Variants in PAM observed in about 807,000 individuals in gnomAD.
PAM encodes peptidyl-glycine alpha-amidating monooxygenase.
PAM carries 72 observed loss-of-function variants against 122.1 expected under a neutral mutation model. The observed-to-expected ratio is 0.59, with a 90% CI of 0.49 to 0.72. The LOEUF (loss-of-function observed/expected upper bound fraction) is 0.72, where lower values mean the gene tolerates loss of function less well. Among genes scored for constraint, PAM ranks in the 30% least tolerant of loss-of-function variants. The pLI, the probability that PAM is intolerant of heterozygous loss-of-function variation, is 0.00. For synonymous variants in PAM, 389 were observed against 404.4 expected (o/e 0.96, Z 0.46); for missense variants, 1,106 against 1,183.7 (o/e 0.93, Z 0.96).
chr5:102,841,406 TACACACACACAC>T (rs35825092), intron 1 of PAM, among the ~76,000 whole-genome samples: 1,501 of 138,532 alleles, frequency 0.011, 15 homozygotes, highest in South Asian at 0.022. Flanking sequence ...CACCTACAAA[TACACACACACAC>T]ACACACACAC....
intron 1 of PAM, among the ~76,000 whole-genome samples, chr5:102,827,591 G>A (rs1384889165): frequency 2.6e-5 from 4 of 151,610 alleles, no homozygotes; most frequent in African/African-American, 7.3e-5. Context: ...GTTTTCATGA[G>A]GCGTGATTTT....
chr5:102,940,127 C>G (rs1356452310), intron 7 of PAM, among the ~76,000 whole-genome samples: 2 of 149,556 alleles, frequency 1.3e-5, no homozygotes, highest in African/African-American at 5.0e-5. Flanking sequence ...CACACACACA[C>G]ACACACACAC....
Position 102,819,737 on chromosome 5 carries a change from C to T in PAM, c.-373-46086C>T, listed in dbSNP as rs1047399422. 5.4e-4 allele frequency among the ~76,000 whole-genome samples: 82 copies of T among 152,178 alleles called. 1 individual carries two copies. Among genetic ancestry groups the T allele is most frequent in the African/African-American group, 1.7e-3 (71 of 41,520 alleles). ...ATATAGGGATTTCTCCTTTCATTTA[C>T]GAAAGAAAGTACATGGTATGTCTCG... On this transcript the variant is annotated intron_variant, in intron 1 of 25. Coordinates refer to ENST00000438793, the MANE Select transcript of PAM (RefSeq NM_001177306.2).
intron 12 of PAM, among the ~76,000 whole-genome samples, chr5:102,951,195 A>G (rs1758769015): frequency 6.6e-6 from 1 of 152,082 alleles, no homozygotes; most frequent in Admixed American, 6.6e-5. Flanking sequence ...GGTGATTCCT[A>G]TTAAATACTC....
At chr5:102,922,031 A>T (rs932131447) in intron 5 of PAM, among the ~76,000 whole-genome samples, 3 of 152,056 alleles carry the variant, frequency 2.0e-5, no homozygotes, top group African/African-American at 7.2e-5. Context: ...TTTTAATCTA[A>T]TTTTTTTCAA....
intron 7 of PAM, among the ~76,000 whole-genome samples, chr5:102,926,879 T>C (rs1749755267): frequency 6.6e-6 from 1 of 152,124 alleles, no homozygotes; most frequent in Admixed American, 6.5e-5. Flanking sequence ...CATCCTACTG[T>C]GTTTTCTTTT....
At chr5:102,808,776 G>A (rs1237654460) in intron 1 of PAM, among the ~76,000 whole-genome samples, 1 of 152,170 alleles carries the variant, frequency 6.6e-6, no homozygotes. Context: ...GAAGTTCAAA[G>A]TACAGTGATA....
intron 21 of PAM, among the ~76,000 whole-genome samples, chr5:103,013,497 T>A (rs954159704): frequency 6.6e-6 from 1 of 152,208 alleles, no homozygotes; most frequent in Admixed American, 6.5e-5. Flanking sequence ...GATTATATAA[T>A]CTGCAAACAA....
chr5:102,904,461 A>G (rs748347721), intron 4 of PAM, among the ~76,000 whole-genome samples: 1 of 151,486 alleles, frequency 6.6e-6, no homozygotes, highest in Non-Finnish European at 1.5e-5. Flanking sequence ...CCGTTTTCTG[A>G]CTCAGCATTT....
intron 4 of PAM, among the ~76,000 whole-genome samples, chr5:102,902,988 A>T (rs1276582291): frequency 1.3e-5 from 2 of 151,564 alleles, no homozygotes; most frequent in Non-Finnish European, 3.0e-5. Context: ...TTACGTTCAC[A>T]TAATTTAAAA....
At chr5:102,892,184 T>C (rs556324947) in intron 3 of PAM, among the ~76,000 whole-genome samples, 5 of 151,902 alleles carry the variant, frequency 3.3e-5, no homozygotes, top group Middle Eastern at 6.8e-3. Context: ...GGAAATTGCA[T>C]TGGGCATTGT....
At chr5:102,896,583 T>C (rs80004652) in intron 3 of PAM, among the ~76,000 whole-genome samples, 3,236 of 151,760 alleles carry the variant, frequency 0.021, 119 homozygotes, top group African/African-American at 0.075. Context: ...AAAATGTTGA[T>C]AGGGGATGGA....
At position 102,963,672 on chromosome 5, in the gene PAM, T is replaced by C. The variant is rs139713927; in HGVS notation, c.1162+2443T>C. 3.1e-3 allele frequency among the ~76,000 whole-genome samples: 471 copies of C among 151,866 alleles called. 2 individuals carry two copies. Among genetic ancestry groups the C allele is most frequent in the African/African-American group, 0.011 (461 of 41,508 alleles). On this transcript the variant is annotated intron_variant, in intron 14 of 25. Coordinates refer to ENST00000438793, the MANE Select transcript of PAM (RefSeq NM_001177306.2). The stretch of plus-strand genomic sequence containing the variant: ...GAAACCCCTGTAGAAAACAGCACAA[T>C]GTGGGGTAGGAAGAAAAGACTTGAA...
At chr5:102,901,444 G>A in intron 4 of PAM, 31 bp downstream of exon 4, 2 of 1,197,148 alleles carry the variant, frequency 1.7e-6, no homozygotes, top group Non-Finnish European at 2.5e-6. Context: ...GGGAGTAGCA[G>A]TTTAATGGAG....
At chr5:103,003,800 T>G (rs1282282926) in intron 17 of PAM, among the ~76,000 whole-genome samples, 1 of 152,130 alleles carries the variant, frequency 6.6e-6, no homozygotes, top group Non-Finnish European at 1.5e-5. Context: ...ACCAAACTCA[T>G]CAAGTAATCA....
intron 3 of PAM, among the ~76,000 whole-genome samples, chr5:102,870,668 G>A (rs1787132090): frequency 6.6e-6 from 1 of 152,152 alleles, no homozygotes; most frequent in African/African-American, 2.4e-5. Flanking sequence ...TTTTAGAAAT[G>A]GATAATCAGT....
chr5:102,939,598 T>C (rs1754417528), intron 7 of PAM, among the ~76,000 whole-genome samples: 1 of 152,118 alleles, frequency 6.6e-6, no homozygotes, highest in Non-Finnish European at 1.5e-5. Context: ...ATACTTAGCA[T>C]TTATATACTA....
At chr5:102,981,734 G>A (rs1769957391) in intron 15 of PAM, among the ~76,000 whole-genome samples, 1 of 152,134 alleles carries the variant, frequency 6.6e-6, no homozygotes, top group African/African-American at 2.4e-5. Flanking sequence ...AGTTCCCCTT[G>A]GAGCCCATCT....
At chr5:102,893,599 T>C (rs1795348926) in intron 3 of PAM, among the ~76,000 whole-genome samples, 1 of 151,844 alleles carries the variant, frequency 6.6e-6, no homozygotes, top group African/African-American at 2.4e-5. Flanking sequence ...TCTTACTCTT[T>C]CATGTGAAAA....
Sources: allele counts gnomAD v4.1 joint callset (sites outside exome capture counted in the v4.1 genomes callset), GRCh38; gene constraint gnomAD v4.1.1; transcripts MANE v1.5; gene names NCBI Gene and HGNC (gene_info 2026-07-23, HGNC 2026-07-21).